NAV2: variants seen among roughly 807,000 people sequenced by gnomAD.
NAV2 encodes the protein helicase, APC down-regulated 1.
Under a neutral mutation model 223.2 loss-of-function variants are expected in NAV2, and 54 were observed. The observed-to-expected ratio is 0.24, with a 90% CI of 0.19 to 0.30. The LOEUF (loss-of-function observed/expected upper bound fraction) is 0.30. Among genes scored for constraint, NAV2 ranks in the 10% least tolerant of loss-of-function variants. The pLI is 1.00. For missense variants in NAV2, 2,806 were observed against 3,147.5 expected (o/e 0.89, Z 2.60); for synonymous variants, 1,279 against 1,239.3 (o/e 1.03, Z -0.67).
intron 10 of NAV2, among the ~76,000 whole-genome samples, chr11:19,963,348 A>AT (rs1459303551): frequency 6.6e-6 from 1 of 152,222 alleles, no homozygotes; most frequent in Non-Finnish European, 1.5e-5. Context: ...GGAAGCAAGC[A>AT]TTCAGCCAGG....
chr11:19,903,770 A>G (rs1400639326), intron 6 of NAV2, among the ~76,000 whole-genome samples: 3 of 152,170 alleles, frequency 2.0e-5, no homozygotes, highest in Non-Finnish European at 4.4e-5. Context: ...CTAGCCTGGC[A>G]TTCTCAGGCA....
intron 1 of NAV2, among the ~76,000 whole-genome samples, chr11:19,612,869 C>A (rs1476078296): frequency 2.0e-5 from 3 of 152,224 alleles, no homozygotes; most frequent in African/African-American, 7.2e-5. Context: ...CCCCATTCTA[C>A]TGGTACCAAT....
At chr11:19,938,272 A>T (rs1298171975) in intron 7 of NAV2, among the ~76,000 whole-genome samples, 1 of 152,170 alleles carries the variant, frequency 6.6e-6, no homozygotes, top group Non-Finnish European at 1.5e-5. Context: ...TCAATGAAAG[A>T]TCGTGTGGGG....
At chr11:19,544,701 C>T (rs1403883951) in intron 1 of NAV2, among the ~76,000 whole-genome samples, 1 of 152,150 alleles carries the variant, frequency 6.6e-6, no homozygotes, top group Non-Finnish European at 1.5e-5. Context: ...CTGCTAGACA[C>T]AGTGCACAGA....
intron 1 of NAV2, among the ~76,000 whole-genome samples, chr11:19,696,861 C>T (rs1565175391): frequency 6.6e-6 from 1 of 152,148 alleles, no homozygotes; most frequent in Non-Finnish European, 1.5e-5. Context: ...GTAGAATCAC[C>T]TAGGGAGCTT....
At chr11:20,098,635 A>G (rs2061436108) in intron 31 of NAV2, among the ~76,000 whole-genome samples, 1 of 152,222 alleles carries the variant, frequency 6.6e-6, no homozygotes, top group Non-Finnish European at 1.5e-5. Flanking sequence ...ACCATTTTCC[A>G]TCAGCAGGAA....
chr11:19,558,561 A>G (rs2044983249), intron 1 of NAV2, among the ~76,000 whole-genome samples: 1 of 152,252 alleles, frequency 6.6e-6, no homozygotes, highest in African/African-American at 2.4e-5. Flanking sequence ...GTGGCAGCGG[A>G]CTGGACAGTC....
In NAV2 at chr11:19,892,211, T is replaced by C. The variant is rs2041561861; in HGVS notation, c.771-223T>C. Among the ~76,000 whole-genome samples the C allele has an allele frequency of 3.3e-5, 5 of 152,336 alleles. No individual in the cohort carries two copies. The South Asian group carries it at 1.0e-3, about 32-fold the overall frequency. On this transcript the variant is annotated intron_variant, in intron 5 of 37. Coordinates refer to ENST00000349880, the MANE Select transcript of NAV2 (RefSeq NM_145117.5). ...AAACATATTTCTTCATCAAAATTTT[T>C]CTCTCTGCTCAAAGGGAAACTTCAC... is the stretch of plus-strand genomic sequence containing the variant.
At chr11:19,897,635 G>C (rs80088829) in intron 6 of NAV2, among the ~76,000 whole-genome samples, 4,100 of 152,092 alleles carry the variant, frequency 0.027, 204 homozygotes, top group African/African-American at 0.095. Flanking sequence ...TGTTCCATAA[G>C]GTGGTGACCA....
At chr11:19,789,264 T>C (rs2152717441) in intron 1 of NAV2, among the ~76,000 whole-genome samples, 1 of 152,312 alleles carries the variant, frequency 6.6e-6, no homozygotes, top group South Asian at 2.1e-4. Context: ...GCCCAAGAAA[T>C]CACTGTTGAA....
At chr11:20,021,003 A>C (rs1417686157) in intron 11 of NAV2, among the ~76,000 whole-genome samples, 1 of 152,182 alleles carries the variant, frequency 6.6e-6, no homozygotes, top group African/African-American at 2.4e-5. Flanking sequence ...CCAGGTATTC[A>C]GATACCCAGC....
At chr11:19,718,348 T>C (rs981435715) in intron 1 of NAV2, among the ~76,000 whole-genome samples, 1 of 152,154 alleles carries the variant, frequency 6.6e-6, no homozygotes, top group African/African-American at 2.4e-5. Flanking sequence ...AAAGAAAAAA[T>C]ATATACATAT....
intron 11 of NAV2, among the ~76,000 whole-genome samples, chr11:20,034,362 GTTTTT>G (rs774988268): frequency 3.8e-5 from 5 of 133,254 alleles, no homozygotes; most frequent in African/African-American, 1.4e-4. Context: ...TTTTTTTTTT[GTTTTT>G]TTTTTTTTTT....
intron 1 of NAV2, among the ~76,000 whole-genome samples, chr11:19,722,108 T>C (rs543768019): frequency 6.6e-6 from 1 of 152,256 alleles, no homozygotes; most frequent in Non-Finnish European, 1.5e-5. Context: ...CTGGCCAAAT[T>C]TGTTTCATGA....
chr11:20,029,232 AAGAAG>A (rs1475060314), intron 11 of NAV2, among the ~76,000 whole-genome samples: 2 of 152,188 alleles, frequency 1.3e-5, no homozygotes, highest in Admixed American at 1.3e-4. Flanking sequence ...CTCCATTATA[AAGAAG>A]AGAAGACTGG....
Position 19,864,572 on chromosome 11 carries a change from C to A in NAV2, c.439-4353C>A, listed in dbSNP as rs537630565. 3.3e-5 allele frequency among the ~76,000 whole-genome samples: 5 copies of A among 152,306 alleles called. No individual in the cohort carries two copies. The South Asian group carries it at 1.0e-3, about 32-fold the overall frequency. On this transcript the variant is annotated intron_variant, in intron 3 of 37. Coordinates refer to ENST00000349880, the MANE Select transcript of NAV2 (RefSeq NM_145117.5). The stretch of plus-strand genomic sequence containing the variant: ...TTGTTTGGCATTTGTTTTGATTTTT[C>A]TAACTCCCTGGCTCTCCTTGGTGGG...
At chr11:19,646,933 C>T (rs914974060) in intron 1 of NAV2, among the ~76,000 whole-genome samples, 2 of 152,154 alleles carry the variant, frequency 1.3e-5, no homozygotes, top group Non-Finnish European at 2.9e-5. Flanking sequence ...GAGGACAGCC[C>T]CCTCCCATAC....
chr11:19,865,881 A>G (rs1318245736), intron 3 of NAV2, among the ~76,000 whole-genome samples: 9 of 152,200 alleles, frequency 5.9e-5, no homozygotes, highest in Non-Finnish European at 1.3e-4. Context: ...TTCTAGAGAA[A>G]GACAGGAATC....
chr11:19,830,714 C>T (rs529812821), intron 1 of NAV2, among the ~76,000 whole-genome samples: 45 of 152,150 alleles, frequency 3.0e-4, no homozygotes, highest in Admixed American at 2.1e-3. Flanking sequence ...CCTACAGAAC[C>T]GGGACCTGAA....
Sources: allele counts gnomAD v4.1 joint callset (sites outside exome capture counted in the v4.1 genomes callset), GRCh38; gene constraint gnomAD v4.1.1; transcripts MANE v1.5; gene names NCBI Gene and HGNC (gene_info 2026-07-23, HGNC 2026-07-21).